The following CELF4 variants were observed in gnomAD, a reference collection of about 807,000 sequenced individuals.
The protein encoded by CELF4 is CUG-BP- and ETR-3-like factor 4.
CELF4 carries 18 observed loss-of-function variants against 59.9 expected under a neutral mutation model. The observed-to-expected ratio is 0.30, with a 90% CI of 0.21 to 0.45. The LOEUF is 0.45. Among genes scored for constraint, CELF4 ranks in the 20% least tolerant of loss-of-function variants. CELF4 has a pLI of 1.00. For missense variants in CELF4, 456 were observed against 689.0 expected (o/e 0.66, Z 3.79); for synonymous variants, 261 against 267.1 (o/e 0.98, Z 0.22).
intron 2 of CELF4, among the ~76,000 whole-genome samples, chr18:37,474,871 C>T (rs2099844387): frequency 6.6e-6 from 1 of 152,224 alleles, no homozygotes; most frequent in South Asian, 2.1e-4. Flanking sequence ...CCAGCACCAG[C>T]ACTTCCAGCT....
At chr18:37,267,651 G>A (rs1244815231) in intron 8 of CELF4, among the ~76,000 whole-genome samples, 1 of 152,212 alleles carries the variant, frequency 6.6e-6, no homozygotes, top group Non-Finnish European at 1.5e-5. Flanking sequence ...AAGTGGCCAT[G>A]CCAGGCTTTG....
intron 2 of CELF4, among the ~76,000 whole-genome samples, chr18:37,371,625 G>A (rs557303625): frequency 2.6e-5 from 4 of 152,314 alleles, no homozygotes; most frequent in African/African-American, 4.8e-5. Flanking sequence ...TTCTTGATTC[G>A]TTGTTGAGAA....
chr18:37,548,490 C>T (rs1468278625), intron 1 of CELF4, among the ~76,000 whole-genome samples: 3 of 152,122 alleles, frequency 2.0e-5, no homozygotes, highest in African/African-American at 7.2e-5. Flanking sequence ...GTCACTGTCA[C>T]GTAGTAGGTG....
chr18:37,538,801 C>A (rs140479318), intron 1 of CELF4, among the ~76,000 whole-genome samples: 1 of 152,216 alleles, frequency 6.6e-6, no homozygotes, highest in Admixed American at 6.5e-5. Flanking sequence ...CTCTCCCTCA[C>A]TCAGCAGCAC....
intron 2 of CELF4, among the ~76,000 whole-genome samples, chr18:37,426,011 A>G (rs754166599): frequency 6.6e-6 from 1 of 152,186 alleles, no homozygotes; most frequent in Non-Finnish European, 1.5e-5. Context: ...GGTGAGGGAC[A>G]GTGGCCACTG....
intron 1 of CELF4, among the ~76,000 whole-genome samples, chr18:37,512,402 G>A (rs533251380): frequency 3.3e-5 from 5 of 150,900 alleles, no homozygotes; most frequent in East Asian, 2.0e-4. Flanking sequence ...CTCTTCCTCC[G>A]GTTCCCTTCT....
chr18:37,449,099 G>C (rs769277720), intron 2 of CELF4, among the ~76,000 whole-genome samples: 1 of 152,198 alleles, frequency 6.6e-6, no homozygotes, highest in African/African-American at 2.4e-5. Flanking sequence ...TAGCAAAACC[G>C]GACCACCAAC....
chr18:37,257,485 T>C (rs557383436), intron 11 of CELF4, among the ~76,000 whole-genome samples: 2 of 152,282 alleles, frequency 1.3e-5, no homozygotes, highest in East Asian at 1.9e-4. Flanking sequence ...CTCCATGCCA[T>C]TGAAAGACCA....
At chr18:37,336,822 T>C (rs2097785381) in intron 2 of CELF4, among the ~76,000 whole-genome samples, 1 of 152,210 alleles carries the variant, frequency 6.6e-6, no homozygotes, top group Non-Finnish European at 1.5e-5. Context: ...AGAAAGTCTA[T>C]CGAGCTCCTG....
chr18:37,392,644 C>T (rs1255812182), intron 2 of CELF4, among the ~76,000 whole-genome samples: 1 of 152,186 alleles, frequency 6.6e-6, no homozygotes, highest in Non-Finnish European at 1.5e-5. Context: ...CCCTAGCAGA[C>T]CATTTAATTC....
chr18:37,507,888 C>CT (rs2099939913), intron 1 of CELF4, among the ~76,000 whole-genome samples: 1 of 152,130 alleles, frequency 6.6e-6, no homozygotes, highest in African/African-American at 2.4e-5. Context: ...GGTTCTGCCA[C>CT]GCTGGTGATC....
chr18:37,264,699 T>C lies in CELF4; in HGVS notation c.1224A>G (p.Pro408=). 1 of 1,578,990 alleles carries C rather than the reference T, an allele frequency of 6.3e-7. No individual in the cohort carries two copies. Among genetic ancestry groups the C allele is most frequent in the South Asian group, 1.2e-5 (1 of 85,990 alleles). Residue 408 remains proline (P), a synonymous_variant, in exon 10 of 13, where the codon CCA becomes CCG. Transcript: ENST00000420428. ...QISQAFPQPP[P]MIPQQQREGP... is the part of the protein sequence containing the mutation. ...CTTCTCTCTGCTGCTGGGGGATCAT[T>C]GGAGGCGGCTGAGGAAAGGCCTGGC...
intron 2 of CELF4, among the ~76,000 whole-genome samples, chr18:37,335,850 TGAC>T (rs1268597611): frequency 6.6e-6 from 1 of 152,152 alleles, no homozygotes; most frequent in Admixed American, 6.5e-5. Flanking sequence ...ACATGCTGAA[TGAC>T]TGGTCATTCT....
intron 2 of CELF4, among the ~76,000 whole-genome samples, chr18:37,466,962 T>G (rs1254188823): frequency 1.3e-5 from 2 of 151,722 alleles, no homozygotes; most frequent in Non-Finnish European, 2.9e-5. Flanking sequence ...TGCTCACGGG[T>G]GGGGGAGTCA....
intron 1 of CELF4, among the ~76,000 whole-genome samples, chr18:37,544,915 G>A (rs971645521): frequency 6.6e-6 from 1 of 152,198 alleles, no homozygotes; most frequent in African/African-American, 2.4e-5. Context: ...ACAGGGAGCT[G>A]ATCCTGGGGC....
At chr18:37,279,869 GC>G in intron 3 of CELF4, among the ~76,000 whole-genome samples, 1 of 152,346 alleles carries the variant, frequency 6.6e-6, no homozygotes, top group South Asian at 2.1e-4. Context: ...ACAGGAGGTT[GC>G]CCATAGCTGG....
At chr18:37,454,640 C>T (rs2099773120) in intron 2 of CELF4, among the ~76,000 whole-genome samples, 1 of 152,160 alleles carries the variant, frequency 6.6e-6, no homozygotes, top group Non-Finnish European at 1.5e-5. Flanking sequence ...GACCACCCAT[C>T]AATATGGAAA....
chr18:37,380,194 C>T (rs192298929), intron 2 of CELF4, among the ~76,000 whole-genome samples: 74 of 152,288 alleles, frequency 4.9e-4, no homozygotes, highest in Non-Finnish European at 1.8e-4. Flanking sequence ...CTGCTCTCAC[C>T]TCCCTCTTGG....
At chr18:37,490,596 C>A (rs1299435891) in intron 1 of CELF4, among the ~76,000 whole-genome samples, 1 of 152,044 alleles carries the variant, frequency 6.6e-6, no homozygotes, top group African/African-American at 2.4e-5. Context: ...GGGCTGGCTG[C>A]TGCGGTGCTG....
Sources: allele counts gnomAD v4.1 joint callset (sites outside exome capture counted in the v4.1 genomes callset), GRCh38; gene constraint gnomAD v4.1.1; transcripts MANE v1.5; gene names NCBI Gene and HGNC (gene_info 2026-07-23, HGNC 2026-07-21).